The following TUFT1 variants were observed in gnomAD, a reference collection of about 807,000 sequenced individuals.
The protein encoded by TUFT1 is tuftelin 1, also known as tuftelin.
In TUFT1, 43 loss-of-function variants were observed where a neutral mutation model predicts 57.8. The ratio of observed to expected loss-of-function variants is 0.74; its 90% confidence interval spans 0.58 to 0.96. TUFT1 has a LOEUF of 0.96. Among genes scored for constraint, TUFT1 ranks in the 40% least tolerant of loss-of-function variants. TUFT1 has a pLI of 0.00. For missense variants in TUFT1, 459 were observed against 489.0 expected (o/e 0.94, Z 0.58); for synonymous variants, 166 against 176.7 (o/e 0.94, Z 0.48).
intron 6 of TUFT1, 67 bp from the exon 7 acceptor site, chr1:151,569,590 G>C (rs954467441): frequency 1.7e-5 from 23 of 1,315,280 alleles, no homozygotes; most frequent in South Asian, 1.6e-4. Context: ...TGCCTGGGAG[G>C]GGGGACCTTT....
Position 151,562,265 on chromosome 1 carries a change from GC to G in TUFT1, c.135+101del. 9.4e-6 allele frequency: 10 copies of G among 1,063,414 alleles called. No individual in the cohort carries two copies. The South Asian group carries it at 1.4e-4, about 15-fold the overall frequency. 65.9% of individuals were successfully genotyped at this position (1,063,414 alleles called of 1,614,324 possible). On this transcript the variant is annotated intron_variant, in intron 2 of 12. Transcript: ENST00000368849. Reference sequence around the variant, plus strand: ...ACTGCCTGGAGCCGACTCTGGTGATGCGAGCGTGGGAGCCCCTCCTTTCAGC... The same window carrying G: ...ACTGCCTGGAGCCGACTCTGGTGATGGAGCGTGGGAGCCCCTCCTTTCAGC...
intron 1 of TUFT1, among the ~76,000 whole-genome samples, chr1:151,558,679 C>A (rs1413947729): frequency 6.6e-6 from 1 of 152,084 alleles, no homozygotes; most frequent in African/African-American, 2.4e-5. Context: ...ATGAAACAGA[C>A]CAGACTTGAC....
intron 6 of TUFT1, among the ~76,000 whole-genome samples, chr1:151,567,016 T>A (rs1448643687): frequency 6.6e-6 from 1 of 151,296 alleles, no homozygotes; most frequent in African/African-American, 2.4e-5. Flanking sequence ...CCCCCGGGGT[T>A]CAAGCAATCC....
chr1:151,544,656 A>G (rs1230688987), intron 1 of TUFT1, among the ~76,000 whole-genome samples: 1 of 152,202 alleles, frequency 6.6e-6, no homozygotes, highest in African/African-American at 2.4e-5. Flanking sequence ...GAGTGCAACG[A>G]CGTGATCTCG....
intron 2 of TUFT1, 22 bp downstream of exon 2, chr1:151,562,187 C>G: frequency 1.2e-6 from 2 of 1,603,370 alleles, no homozygotes; most frequent in Non-Finnish European, 1.7e-6. Flanking sequence ...TTCTGGTGGG[C>G]AAGGCCCCCT....
intron 7 of TUFT1, among the ~76,000 whole-genome samples, chr1:151,570,501 C>T (rs1023939926): frequency 6.6e-5 from 10 of 151,964 alleles, no homozygotes; most frequent in African/African-American, 1.5e-4. Context: ...AGGATGGTCT[C>T]GATCTCCTGA....
chr1:151,562,544 A>G, intron 2 of TUFT1, 41 bp from the exon 3 acceptor site: 1 of 1,397,390 alleles, frequency 7.2e-7, no homozygotes, highest in Non-Finnish European at 1.0e-6. Flanking sequence ...TGTCTGAGCC[A>G]TCTCTCTCTC....
intron 7 of TUFT1, among the ~76,000 whole-genome samples, chr1:151,571,386 G>A (rs979461082): frequency 2.1e-4 from 13 of 62,058 alleles, no homozygotes; most frequent in Non-Finnish European, 3.6e-4. Flanking sequence ...TAATATATGT[G>A]AGGGCACTTT....
chr1:151,542,032 C>T (rs536144977), intron 1 of TUFT1, among the ~76,000 whole-genome samples: 1 of 152,134 alleles, frequency 6.6e-6, no homozygotes, highest in South Asian at 2.1e-4. Flanking sequence ...CTTGCTCTCT[C>T]TTTTGGAATA....
At chr1:151,561,967 C>T (rs1665910944) in intron 1 of TUFT1, 124 bp from the exon 2 acceptor site, 1 of 1,482,452 alleles carries the variant, frequency 6.7e-7, no homozygotes, top group African/African-American at 1.4e-5. Flanking sequence ...TTTTCCTAGT[C>T]TGTGAAGTGG....
chr1:151,561,403 A>G, intron 1 of TUFT1: 1 of 243,496 alleles, frequency 4.1e-6, no homozygotes, highest in East Asian at 1.9e-4. Flanking sequence ...AGTCCCAGCT[A>G]CTTGGGAGGC....
At chr1:151,559,880 GC>G (rs1665826210) in intron 1 of TUFT1, among the ~76,000 whole-genome samples, 1 of 151,732 alleles carries the variant, frequency 6.6e-6, no homozygotes, top group Non-Finnish European at 1.5e-5. Flanking sequence ...TTTAACCTCC[GC>G]CTCCCTGGTT....
At chr1:151,573,035 A>T (rs1476361076) in intron 7 of TUFT1, among the ~76,000 whole-genome samples, 2 of 152,220 alleles carry the variant, frequency 1.3e-5, no homozygotes, top group East Asian at 3.8e-4. Flanking sequence ...CTAGCTGTGT[A>T]ACCTTGACTA....
intron 1 of TUFT1, among the ~76,000 whole-genome samples, chr1:151,556,299 T>C (rs907797908): frequency 6.6e-6 from 1 of 151,814 alleles, no homozygotes; most frequent in African/African-American, 2.4e-5. Context: ...TAAAGCTGCT[T>C]TTTCCCTTTC....
chr1:151,550,648 G>C (rs1665480581), intron 1 of TUFT1, among the ~76,000 whole-genome samples: 1 of 152,190 alleles, frequency 6.6e-6, no homozygotes, highest in South Asian at 2.1e-4. Context: ...CCTGGCCCCA[G>C]CTTGCTTTTT....
In TUFT1 at chr1:151,573,751, A is replaced by T. The variant is rs372781635; in HGVS notation, c.595-519A>T. ...AAGAGTGAAACTCTGTCTCAAAAAA[A>T]AATAATAATAATAAATAAATAAGAC... On this transcript the variant is annotated intron_variant, in intron 7 of 12. Transcript: ENST00000368849. 3.4e-3 allele frequency among the ~76,000 whole-genome samples: 513 copies of T among 152,286 alleles called. 2 individuals are homozygous for T. The highest frequency in any genetic ancestry group is 7.0e-3 in the East Asian group (36 of 5,176).
intron 1 of TUFT1, among the ~76,000 whole-genome samples, chr1:151,560,562 T>G (rs1330254794): frequency 2.0e-5 from 3 of 152,110 alleles, no homozygotes; most frequent in African/African-American, 7.2e-5. Context: ...GTTAAGAGGG[T>G]TCCTTAAAAC....
At chr1:151,552,343 G>C (rs1665537672) in intron 1 of TUFT1, among the ~76,000 whole-genome samples, 1 of 152,170 alleles carries the variant, frequency 6.6e-6, no homozygotes, top group Non-Finnish European at 1.5e-5. Flanking sequence ...ATATGTATGT[G>C]CCAGGGCAAA....
In TUFT1 at chr1:151,581,015, C is replaced by G. The variant is rs762350969; in HGVS notation, c.1082C>G (p.Ala361Gly). The change falls in exon 12 of 13, where the codon GCC (alanine) becomes GGC (glycine). Residue 361 changes from alanine (A) to glycine (G), a missense_variant. Physicochemically the swap from Ala to Gly is moderately conservative, Grantham distance 60 (BLOSUM62 0). Transcript: ENST00000368849. Reference protein sequence around the residue: ...QISHGNFSTQARAKTENPGSI... With the variant: ...QISHGNFSTQGRAKTENPGSI... ...AGTCATGGCAACTTCAGCACCCAGG[C>G]CCGGGCCAAGACAGAGAACCCGGGC... is the stretch of plus-strand genomic sequence containing the variant. 6.2e-7 allele frequency: 1 copy of G among 1,614,164 alleles called. No individual in the cohort carries two copies. The highest frequency in any genetic ancestry group is 1.3e-5 in the African/African-American group (1 of 75,042).
Sources: gnomAD v4.1 joint callset for allele counts (sites outside exome capture counted in the v4.1 genomes callset) on GRCh38, gnomAD v4.1.1 for gene constraint, MANE v1.5 for transcripts, NCBI Gene and HGNC (gene_info 2026-07-23, HGNC 2026-07-21) for gene names.